Variants in KMT2D observed in about 807,000 individuals in gnomAD.
KMT2D encodes lysine methyltransferase 2D, also known as histone-lysine N-methyltransferase 2D.
In KMT2D, 55 loss-of-function variants were observed where a neutral mutation model predicts 512.7. The observed-to-expected ratio is 0.11, with a 90% CI of 0.09 to 0.13. The LOEUF (loss-of-function observed/expected upper bound fraction) is 0.13. Among genes scored for constraint, KMT2D ranks in the 10% least tolerant of loss-of-function variants. KMT2D has a pLI of 1.00. For synonymous variants in KMT2D, 2,995 were observed against 2,904.0 expected (o/e 1.03, Z -1.01); for missense variants, 6,061 against 7,127.9 (o/e 0.85, Z 5.39).
chr12:49,043,066 A>G lies in KMT2D; in HGVS notation c.5644+10T>C, dbSNP rs373069191. The G allele has an allele frequency of 5.0e-6, 8 of 1,608,436 alleles. No homozygotes were observed. Among genetic ancestry groups the G allele is most frequent in the Non-Finnish European group, 4.3e-6 (5 of 1,174,850 alleles). On this transcript the variant is annotated intron_variant, in intron 26 of 54. Transcript: ENST00000301067. The stretch of plus-strand genomic sequence containing the variant: ...CCTTATACACAAAGAGGTACGGGTC[A>G]CAGCCTCACCTTCTGTGGAAATCCT...
In KMT2D at chr12:49,039,806, G is replaced by C. The variant is rs1226177022; in HGVS notation, c.7964C>G (p.Ser2655Cys). The change falls in exon 32 of 55, where the codon TCT becomes TGT. Residue 2655 changes from serine to cysteine, a missense_variant. Physicochemically the swap from Ser to Cys is moderately radical, Grantham distance 112. Transcript: ENST00000301067. The surrounding 1 kb of genome is among the most constrained non-coding windows in gnomAD (Gnocchi z 5.0). ...REDPGTGMGS[S>C]LATAELPGTQ... ...ACCTGGGAGTTCAGCTGTCGCCAAA[G>C]AGCTACCCATTCCAGTCCCTGGGTC... The C allele has an allele frequency of 1.2e-6, 2 of 1,614,018 alleles. No homozygotes were observed. The highest frequency in any genetic ancestry group is 1.7e-6 in the Non-Finnish European group (2 of 1,179,892).
chr12:49,023,541 G>C (rs1207912550), intron 51 of KMT2D, among the ~76,000 whole-genome samples: 1 of 152,238 alleles, frequency 6.6e-6, no homozygotes, highest in Non-Finnish European at 1.5e-5. Flanking sequence ...TCCCAGAGCA[G>C]TGGTTTTCAA....
At position 49,033,271 on chromosome 12, in the gene KMT2D, G is replaced by C. The variant is rs1479550214; in HGVS notation, c.11434C>G (p.Gln3812Glu). Residue 3812 changes from glutamine to glutamate, a missense_variant, in exon 40 of 55, where the codon CAG becomes GAG. Physicochemically the swap from Gln to Glu is conservative, Grantham distance 29. Transcript: ENST00000301067. Reference protein sequence around the residue: ...LGPAQVAVLQQQHPGALGPQG... With the variant: ...LGPAQVAVLQEQHPGALGPQG... Reference sequence around the variant, plus strand: ...GGGCCCAAAGCTCCAGGGTGCTGCTGCTGCAACACAGCCACCTGGGCAGGG... The same window carrying C: ...GGGCCCAAAGCTCCAGGGTGCTGCTCCTGCAACACAGCCACCTGGGCAGGG... The C allele has an allele frequency of 6.4e-7, 1 of 1,567,696 alleles. No homozygotes were observed. The highest frequency in any genetic ancestry group is 8.6e-7 in the Non-Finnish European group (1 of 1,156,132).
intron 43 of KMT2D, 50 bp downstream of exon 43, chr12:49,030,230 G>C: frequency 6.6e-7 from 1 of 1,514,410 alleles, no homozygotes; most frequent in Non-Finnish European, 9.0e-7. Flanking sequence ...TAACTGGTTT[G>C]GACTCCAGCT....
At position 49,041,415 on chromosome 12, in the gene KMT2D, C is replaced by T. The variant is rs1349513172; in HGVS notation, c.6355G>A (p.Ala2119Thr). Residue 2119 changes from alanine to threonine, a missense_variant, in exon 32 of 55, where the codon GCT becomes ACT. By Grantham distance (58) the Ala-to-Thr change is moderately conservative. Transcript: ENST00000301067. The surrounding 1 kb of genome is among the most constrained non-coding windows in gnomAD (Gnocchi z 5.4). ...QPGALGSPPP[A>T]AAPTIFIGSP... ...CCAATGAAAATGGTGGGGGCAGCAGCGGGGGGCGGGCTGCCCAGTGCCCCT... is the reference window on the plus strand; with the variant it reads ...CCAATGAAAATGGTGGGGGCAGCAGTGGGGGGCGGGCTGCCCAGTGCCCCT... 30 of 1,602,804 alleles carry T rather than the reference C, an allele frequency of 1.9e-5. No homozygotes were observed. The highest frequency in any genetic ancestry group is 2.3e-5 in the Non-Finnish European group (27 of 1,172,550).
At chr12:49,055,463 G>C (rs1938353822) in intron 1 of KMT2D, 102 bp from the exon 2 acceptor site, 1 of 685,514 alleles carries the variant, frequency 1.5e-6, no homozygotes, top group Admixed American at 2.9e-5. Flanking sequence ...CCAGACATCA[G>C]AGCAAAGCCA....
At position 49,026,194 on chromosome 12, in the gene KMT2D, C is replaced by A. The variant is rs762350923; in HGVS notation, c.15772G>T (p.Ala5258Ser). The change falls in exon 49 of 55, where the codon GCC becomes TCC. Residue 5258 changes from alanine to serine, a missense_variant. By Grantham distance (99) the Ala-to-Ser change is moderately conservative. Around this residue, in one of 16 missense-constraint regions of KMT2D, gnomAD observed 261 missense variants for 440.7 expected, o/e 0.59. Coordinates refer to ENST00000301067, the MANE Select transcript of KMT2D (RefSeq NM_003482.4). The surrounding 1 kb of genome is among the most constrained non-coding windows in gnomAD (Gnocchi z 9.6). Reference sequence around the variant, plus strand: ...GCCCACTGCTCACCCTGGGGAGAGGCGTCAGTGAAGACCAGGTCCTCCAGG... The same window carrying A: ...GCCCACTGCTCACCCTGGGGAGAGGAGTCAGTGAAGACCAGGTCCTCCAGG... Reference protein sequence around the residue: ...QGLEDLVFTDASPQAVWNRII... With the variant: ...QGLEDLVFTDSSPQAVWNRII... 6.3e-7 allele frequency: 1 copy of A among 1,582,698 alleles called. No homozygotes were observed. Among genetic ancestry groups the A allele is most frequent in the South Asian group, 1.1e-5 (1 of 87,916 alleles).
rs937001182 is a variant in KMT2D, at chr12:49,032,368, C to T, written c.12337G>A (p.Gly4113Arg). ...QQVSLLHTAG[G>R]GSHGQLGSGS... is the part of the protein sequence containing the mutation. ...CTGCCTAGCTGCCCATGGCTTCCTC[C>T]ACCTGCTGTGTGGAGCAGGCTAACT... Residue 4113 changes from glycine (G) to arginine (R), a missense_variant, in exon 40 of 55, where the codon GGA becomes AGA. Gly to Arg is a moderately radical substitution (Grantham distance 125). This residue lies in a region of KMT2D where 1,600 missense variants were observed against 1,754.9 expected (regional missense o/e 0.91). Transcript: ENST00000301067. The T allele has an allele frequency of 3.7e-6, 6 of 1,612,368 alleles. No individual in the cohort carries two copies. The Admixed American group carries it at 5.0e-5, about 14-fold the overall frequency.
Position 49,051,913 on chromosome 12 carries a change from C to G in KMT2D, c.1770G>C (p.Met590Ile), listed in dbSNP as rs2120678760. Reference protein sequence around the residue: ...PMSPPPEESPMSPPPEASRLF... With the variant: ...PMSPPPEESPISPPPEASRLF... ...GACGAGATGCCTCCGGTGGTGGAGA[C>G]ATGGGTGACTCTTCAGGTGGAGGGG... Residue 590 changes from methionine to isoleucine, a missense_variant, in exon 11 of 55, where the codon ATG becomes ATC. By Grantham distance (10) the Met-to-Ile change is conservative. Coordinates refer to ENST00000301067, the MANE Select transcript of KMT2D (RefSeq NM_003482.4). The G allele has an allele frequency of 6.2e-7, 1 of 1,611,080 alleles. No homozygotes were observed. The highest frequency in any genetic ancestry group is 8.5e-7 in the Non-Finnish European group (1 of 1,179,124).
Position 49,022,193 on chromosome 12 carries a change from T to A in KMT2D, c.16413-42A>T. 6.2e-7 allele frequency: 1 copy of A among 1,605,648 alleles called. No individual in the cohort carries two copies. The highest frequency in any genetic ancestry group is 8.5e-7 in the Non-Finnish European group (1 of 1,172,422). On this transcript the variant is annotated intron_variant, in intron 53 of 54. Coordinates refer to ENST00000301067, the MANE Select transcript of KMT2D (RefSeq NM_003482.4). This position sits in a 1 kb window ranked among gnomAD's most constrained non-coding sequence, Gnocchi z 8.6. The stretch of plus-strand genomic sequence containing the variant: ...AGTCAGGGATGTCAGGCAACTAACT[T>A]GGGACAATTTTGATTCCTTGTTCGT...
In KMT2D at chr12:49,054,327, T is replaced by C; in HGVS notation, c.490A>G (p.Ile164Val). The C allele has an allele frequency of 1.9e-6, 3 of 1,595,060 alleles. No individual in the cohort carries two copies. The highest frequency in any genetic ancestry group is 2.6e-6 in the Non-Finnish European group (3 of 1,170,956). ...GPELCGVDKA[I>V]FSGISQRCSH... is the part of the protein sequence containing the mutation. ...CCCACCTGTGAGATCCCTGAGAAGA[T>C]GGCCTTGTCCACACCACATAGTTCT... The change falls in exon 5 of 55, where the codon ATC becomes GTC. Residue 164 changes from isoleucine (I) to valine (V), a missense_variant. Around this residue, in one of 16 missense-constraint regions of KMT2D, gnomAD observed 160 missense variants for 225.8 expected, o/e 0.71. Coordinates refer to ENST00000301067, the MANE Select transcript of KMT2D (RefSeq NM_003482.4). This position sits in a 1 kb window ranked among gnomAD's most constrained non-coding sequence, Gnocchi z 6.4.
Position 49,019,496 on chromosome 12 carries a change from G to A in KMT2D, c.*2284C>T. 4.5e-6 allele frequency: 1 copy of A among 224,320 alleles called. No individual in the cohort carries two copies. The allele number at this position is 224,320 out of a possible 1,614,324, so 13.9% of individuals were successfully genotyped here. On this transcript the variant is annotated 3_prime_UTR_variant, in exon 55 of 55. Coordinates refer to ENST00000301067, the MANE Select transcript of KMT2D (RefSeq NM_003482.4). ...ATATAAAAATTAAAAACTGTATAAG[G>A]TTTCTTCACTAAATTCTACAGGACT...
chr12:49,050,750 C>T lies in KMT2D; in HGVS notation c.2838G>A (p.Ala946=), dbSNP rs376753331. The T allele has an allele frequency of 2.4e-4, 379 of 1,611,916 alleles. 1 individual carries two copies. The highest frequency in any genetic ancestry group is 1.3e-3 in the South Asian group (122 of 91,004). ...PPPLSPIITA[A]APPALSPLGE... ...CCAAAGGAGACAGGGCCGGTGGGGC[C>T]GCAGCTGTGATGATGGGTGAGAGTG... The change falls in exon 12 of 55, where the codon GCG becomes GCA. Residue 946 remains alanine (A), a synonymous_variant. Coordinates refer to ENST00000301067, the MANE Select transcript of KMT2D (RefSeq NM_003482.4).
In KMT2D at chr12:49,042,150, G is replaced by A. The variant is rs1264658568; in HGVS notation, c.6048C>T (p.Ser2016=). Reference sequence around the variant, plus strand: ...TGGCATAGAGCACAGGTGAGATGGTGGACAGCTGGCCCAACTCCTCATCCT... The same window carrying A: ...TGGCATAGAGCACAGGTGAGATGGTAGACAGCTGGCCCAACTCCTCATCCT... ...WEKDEELGQL[S]TISPVLYANI... is the part of the protein sequence containing the mutation. Residue 2016 remains serine (S), a synonymous_variant, in exon 29 of 55, where the codon TCC becomes TCT. Coordinates refer to ENST00000301067, the MANE Select transcript of KMT2D (RefSeq NM_003482.4). This position sits in a 1 kb window ranked among gnomAD's most constrained non-coding sequence, Gnocchi z 4.4. 1 of 1,613,250 alleles carries A rather than the reference G, an allele frequency of 6.2e-7. No individual in the cohort carries two copies. The highest frequency in any genetic ancestry group is 1.1e-5 in the South Asian group (1 of 90,860).
Sources: gnomAD v4.1 joint callset for allele counts (sites outside exome capture counted in the v4.1 genomes callset) on GRCh38, gnomAD v4.1.1 for gene constraint, gnomAD v4.1.1 regional missense constraint, Gnocchi (gnomAD v3.1) non-coding constraint, MANE v1.5 for transcripts, NCBI Gene and HGNC (gene_info 2026-07-23, HGNC 2026-07-21) for gene names.